ITGB2: variants seen among roughly 807,000 people sequenced by gnomAD.
ITGB2 encodes the protein integrin beta-2.
ITGB2 carries 56 observed loss-of-function variants against 86.8 expected under a neutral mutation model. That is an observed-to-expected ratio of 0.65 (90% CI 0.52 to 0.81). ITGB2 has a LOEUF of 0.81. ITGB2 is among the 30% of genes least tolerant of loss of function. The pLI, the probability that ITGB2 is intolerant of heterozygous loss-of-function variation, is 0.00. For synonymous variants in ITGB2, 457 were observed against 450.4 expected, an observed-to-expected ratio of 1.01 and a Z score of -0.19; for missense variants, 948 against 1,061.2, an observed-to-expected ratio of 0.89 and a Z score of 1.48.
At chr21:44,910,204 G>C in intron 3 of ITGB2, 80 bp downstream of exon 3, 1 of 1,547,032 alleles carries the variant, frequency 6.5e-7, no homozygotes, top group Non-Finnish European at 8.8e-7. Context: ...TTGGTCCTCT[G>C]GGTGCCACTG....
At chr21:44,916,976 T>C (rs191273029) in intron 1 of ITGB2, among the ~76,000 whole-genome samples, 74 of 152,254 alleles carry the variant, frequency 4.9e-4, no homozygotes, top group African/African-American at 1.6e-3. Flanking sequence ...ATTATCTCTC[T>C]AGTGCAAAAG....
At chr21:44,888,630 C>G in intron 14 of ITGB2, 63 bp downstream of exon 14, 1 of 1,554,360 alleles carries the variant, frequency 6.4e-7, no homozygotes, top group Non-Finnish European at 8.8e-7. Flanking sequence ...CCACCCTCGC[C>G]TCTGCGGAGA....
intron 1 of ITGB2, chr21:44,911,363 G>A (rs2146548603): frequency 6.1e-6 from 1 of 163,906 alleles, no homozygotes; most frequent in East Asian, 1.8e-4. Flanking sequence ...ACAAACACCA[G>A]AACCCCACAC....
upstream of ITGB2, chr21:44,923,057 T>G (rs1468947336): frequency 6.6e-6 from 1 of 152,210 alleles, no homozygotes; most frequent in Non-Finnish European, 1.5e-5. Context: ...GAATTAGTCT[T>G]GATGAAATAA....
upstream of ITGB2, among the ~76,000 whole-genome samples, chr21:44,925,866 C>G (rs1477083024): frequency 2.0e-5 from 3 of 152,172 alleles, no homozygotes; most frequent in Non-Finnish European, 1.5e-5. Flanking sequence ...ATCACGAGGT[C>G]AGGAGTTCGA....
chr21:44,916,491 T>C (rs1332067876), intron 1 of ITGB2, among the ~76,000 whole-genome samples: 1 of 152,096 alleles, frequency 6.6e-6, no homozygotes, highest in Non-Finnish European at 1.5e-5. Context: ...TGGCCACAAA[T>C]GTGTAGGACT....
At chr21:44,890,562 C>T (rs897672573) in intron 11 of ITGB2, among the ~76,000 whole-genome samples, 5 of 152,194 alleles carry the variant, frequency 3.3e-5, no homozygotes, top group Non-Finnish European at 5.9e-5. Context: ...TCTGCTCCTG[C>T]GTGCCCCACA....
In ITGB2 at chr21:44,898,098, A is replaced by G. The variant is rs559013756; in HGVS notation, c.993+969T>C. 2.6e-3 allele frequency among the ~76,000 whole-genome samples: 403 copies of G among 152,280 alleles called. 3 individuals are homozygous for G. The highest frequency in any genetic ancestry group is 9.0e-3 in the African/African-American group (376 of 41,564). On this transcript the variant is annotated intron_variant, in intron 8 of 15. Coordinates refer to ENST00000652462, the MANE Select transcript of ITGB2 (RefSeq NM_000211.5). ...CTCAGGTCACACCGGATAGTCCCAC[A>G]GTGTGATTTGGGGTGGGGCCCTGGA...
At chr21:44,902,124 T>C (rs1001373625) in intron 5 of ITGB2, among the ~76,000 whole-genome samples, 2 of 152,234 alleles carry the variant, frequency 1.3e-5, no homozygotes, top group African/African-American at 4.8e-5. Flanking sequence ...TATTCCTGTA[T>C]GCATGTGAGC....
intron 11 of ITGB2, among the ~76,000 whole-genome samples, chr21:44,891,001 G>A (rs768401772): frequency 1.3e-5 from 2 of 152,112 alleles, no homozygotes; most frequent in Non-Finnish European, 2.9e-5. Flanking sequence ...TATGGGAGGA[G>A]GCTGGGGGCA....
exon 1 of ITGB2, chr21:44,928,689 T>G (rs1475125407): frequency 6.0e-6 from 1 of 165,976 alleles, no homozygotes; most frequent in Non-Finnish European, 1.3e-5. Flanking sequence ...CGGAGTCCAC[T>G]TGCTGTCAAA....
At chr21:44,925,297 G>T (rs1297862284), upstream of ITGB2, among the ~76,000 whole-genome samples, 2 of 151,366 alleles carry the variant, frequency 1.3e-5, no homozygotes, top group African/African-American at 4.9e-5. Flanking sequence ...TTTTTTAATA[G>T]AGACTAGGTC....
chr21:44,893,675 G>A, intron 9 of ITGB2, 131 bp from the exon 10 acceptor site: 3 of 1,221,726 alleles, frequency 2.5e-6, no homozygotes, highest in Non-Finnish European at 3.6e-6. Flanking sequence ...ATGACACAGA[G>A]GAGAGCACAG....
In ITGB2 at chr21:44,901,684, G is replaced by A. The variant is rs769769073; in HGVS notation, c.549C>T (p.His183=). Reference sequence around the variant, plus strand: ...GGCATGGGTTTCGCAGCTTATCAGGGTGCGTGTTCACGAACGGCAGCACGG... The same window carrying A: ...GGCATGGGTTTCGCAGCTTATCAGGATGCGTGTTCACGAACGGCAGCACGG... ...DKTVLPFVNT[H]PDKLRNPCPN... Residue 183 remains histidine, a synonymous_variant, in exon 6 of 16, where the codon CAC becomes CAT. Coordinates refer to ENST00000652462, the MANE Select transcript of ITGB2 (RefSeq NM_000211.5). 5 of 1,613,692 alleles carry A rather than the reference G, an allele frequency of 3.1e-6. No individual in the cohort carries two copies. Among genetic ancestry groups the A allele is most frequent in the East Asian group, 2.2e-5 (1 of 44,876 alleles).
chr21:44,902,503 T>G (rs1441709078), intron 5 of ITGB2, among the ~76,000 whole-genome samples: 1 of 147,744 alleles, frequency 6.8e-6, no homozygotes, highest in Non-Finnish European at 1.5e-5. Context: ...ATTTGTGTGT[T>G]TGAGCATGTG....
rs765394894 is a variant in ITGB2, at chr21:44,891,786, A to C, written c.1412+23T>G. On this transcript the variant is annotated intron_variant, in intron 11 of 15. Coordinates refer to ENST00000652462, the MANE Select transcript of ITGB2 (RefSeq NM_000211.5). ...TGGGGTGGGGCTCGGGGATGGTTCA[A>C]CAGGGACCTGCGCCCGCCTCACCTG... 1.9e-6 allele frequency: 3 copies of C among 1,600,042 alleles called. No homozygotes were observed. In the African/African-American group the frequency reaches 4.0e-5, roughly 21 times the overall value.
At chr21:44,917,490 C>T (rs538765880) in intron 1 of ITGB2, among the ~76,000 whole-genome samples, 3 of 152,326 alleles carry the variant, frequency 2.0e-5, no homozygotes, top group African/African-American at 7.2e-5. Context: ...ATTGCTCCTT[C>T]GGATTCCAAA....
In ITGB2 at chr21:44,890,129, G is replaced by T; in HGVS notation, c.1506C>A (p.Asn502Lys). The change falls in exon 12 of 16, where the codon AAC (asparagine) becomes AAA (lysine). Residue 502 changes from asparagine (N) to lysine (K), a missense_variant. By Grantham distance (94) the Asn-to-Lys change is moderately conservative. Coordinates refer to ENST00000652462, the MANE Select transcript of ITGB2 (RefSeq NM_000211.5). ...CCCCCAGCCCTGAGCAGATGATGGA[G>T]TTGTTGTCCTTCCGGCAGCTTCCTT... ...ELEGSCRKDN[N>K]SIICSGLGDC... 1 of 1,613,474 alleles carries T rather than the reference G, an allele frequency of 6.2e-7. No individual in the cohort carries two copies. Among genetic ancestry groups the T allele is most frequent in the Non-Finnish European group, 8.5e-7 (1 of 1,180,012 alleles).
In ITGB2 at chr21:44,901,514, A is replaced by T; in HGVS notation, c.719T>A (p.Met240Lys). Reference sequence around the variant, plus strand: ...CACCGGGCAGGCGGCGACCTGCATCATGGCGTCCAGCCCACCCTCGGGTGC... The same window carrying T: ...CACCGGGCAGGCGGCGACCTGCATCTTGGCGTCCAGCCCACCCTCGGGTGC... ...LDAPEGGLDAMMQVAACPEEI... is the reference protein window; with the variant it reads ...LDAPEGGLDAKMQVAACPEEI... The change falls in exon 6 of 16, where the codon ATG becomes AAG. Residue 240 changes from methionine (M) to lysine (K), a missense_variant. Met to Lys is a moderately conservative substitution (Grantham distance 95). Coordinates refer to ENST00000652462, the MANE Select transcript of ITGB2 (RefSeq NM_000211.5). 6.2e-7 allele frequency: 1 copy of T among 1,614,202 alleles called. No homozygotes were observed. Among genetic ancestry groups the T allele is most frequent in the Non-Finnish European group, 8.5e-7 (1 of 1,180,044 alleles).
Sources: allele counts gnomAD v4.1 joint callset (sites outside exome capture counted in the v4.1 genomes callset), GRCh38; gene constraint gnomAD v4.1.1; transcripts MANE v1.5; gene names NCBI Gene and HGNC (gene_info 2026-07-23, HGNC 2026-07-21).